CLCA4: variants seen among roughly 807,000 people sequenced by gnomAD.
CLCA4 encodes calcium-activated chloride channel regulator 4.
CLCA4 carries 69 observed loss-of-function variants against 78.9 expected under a neutral mutation model. That is an observed-to-expected ratio of 0.87 (90% confidence interval 0.72 to 1.07). The LOEUF is 1.07. Ranked by LOEUF, CLCA4 falls within the 50% of genes least tolerant of loss-of-function variation. The pLI is 0.00. For synonymous variants in CLCA4, 362 were observed against 375.8 expected (o/e 0.96, Z 0.42); for missense variants, 1,133 against 1,095.8 (o/e 1.03, Z -0.48).
chr1:86,556,253 G>C (rs980574093), intron 1 of CLCA4, among the ~76,000 whole-genome samples: 2 of 152,166 alleles, frequency 1.3e-5, no homozygotes, highest in African/African-American at 4.8e-5. Context: ...AATAGGAGTG[G>C]TGAGAGACAG....
intron 9 of CLCA4, among the ~76,000 whole-genome samples, chr1:86,574,223 G>T (rs1650439154): frequency 6.6e-6 from 1 of 151,880 alleles, no homozygotes; most frequent in Non-Finnish European, 1.5e-5. Flanking sequence ...CTATCTGTGT[G>T]AAAAAATTAT....
Position 86,579,357 on chromosome 1 carries a change from A to T in CLCA4, c.2126A>T (p.Glu709Val). The change falls in exon 13 of 14, where the codon GAA (glutamate) becomes GTA (valine). Residue 709 changes from glutamate to valine, a missense_variant. Glu to Val is a moderately radical substitution (Grantham distance 121, BLOSUM62 -2). Coordinates refer to ENST00000370563, the MANE Select transcript of CLCA4 (RefSeq NM_012128.4). Reference sequence around the variant, plus strand: ...AACCAGGAAATGTTTAATGCAGGGGAAATTGAAGCAAACCCGCCAAGACCT... The same window carrying T: ...AACCAGGAAATGTTTAATGCAGGGGTAATTGAAGCAAACCCGCCAAGACCT... ...AYIPGWVVNG[E>V]IEANPPRPEI... The T allele has an allele frequency of 6.2e-7, 1 of 1,612,306 alleles. No homozygotes were observed. Among genetic ancestry groups the T allele is most frequent in the Non-Finnish European group, 8.5e-7 (1 of 1,178,780 alleles).
intron 9 of CLCA4, among the ~76,000 whole-genome samples, chr1:86,573,487 GT>G (rs939792665): frequency 2.4e-4 from 36 of 151,806 alleles, no homozygotes; most frequent in African/African-American, 8.7e-4. Flanking sequence ...TTTCTGTCTG[GT>G]GTTTTCCAGC....
In CLCA4 at chr1:86,579,549, C is replaced by T. The variant is rs1220664972; in HGVS notation, c.2318C>T (p.Thr773Ile). The T allele has an allele frequency of 1.2e-6, 2 of 1,611,864 alleles. No individual in the cohort carries two copies. Among genetic ancestry groups the T allele is most frequent in the South Asian group, 2.2e-5 (2 of 91,016 alleles). The change falls in exon 13 of 14, where the codon ACA becomes ATA. Residue 773 changes from threonine to isoleucine, a missense_variant. Coordinates refer to ENST00000370563, the MANE Select transcript of CLCA4 (RefSeq NM_012128.4). Reference protein sequence around the residue: ...ATVHEDKIILTWTAPGDNFDV... With the variant: ...ATVHEDKIILIWTAPGDNFDV... ...GTTCATGAGGATAAGATTATTCTTA[C>T]ATGGACAGCACCAGGAGATAATTTT...
chr1:86,567,636 T>G lies in CLCA4; in HGVS notation c.1167T>G (p.Ile389Met). 6.2e-7 allele frequency: 1 copy of G among 1,609,810 alleles called. No individual in the cohort carries two copies. The change falls in exon 7 of 14, where the codon ATT becomes ATG. Residue 389 changes from isoleucine to methionine, a missense_variant. Coordinates refer to ENST00000370563, the MANE Select transcript of CLCA4 (RefSeq NM_012128.4). Reference protein sequence around the residue: ...PLGGTSICSGIKYAFQVIGEL... With the variant: ...PLGGTSICSGMKYAFQVIGEL... Reference sequence around the variant, plus strand: ...GAGGAACTTCCATCTGCTCTGGAATTAAATATGCATTTCAGGTGAAAATCG... The same window carrying G: ...GAGGAACTTCCATCTGCTCTGGAATGAAATATGCATTTCAGGTGAAAATCG...
chr1:86,548,673 C>A (rs918281892), intron 1 of CLCA4, among the ~76,000 whole-genome samples: 3 of 114,760 alleles, frequency 2.6e-5, no homozygotes, highest in African/African-American at 1.1e-4. Context: ...CAGAGCAAGA[C>A]TCCCTCTCTG....
chr1:86,578,667 G>C (rs1037542534), intron 12 of CLCA4, among the ~76,000 whole-genome samples: 6 of 152,012 alleles, frequency 3.9e-5, no homozygotes, highest in Non-Finnish European at 5.9e-5. Flanking sequence ...TATTATGTTA[G>C]TTTGAACATC....
intron 1 of CLCA4, 102 bp downstream of exon 1, chr1:86,547,380 C>T: frequency 1.2e-6 from 1 of 866,208 alleles, no homozygotes; most frequent in Non-Finnish European, 1.7e-6. Context: ...AGTAGTATTT[C>T]TATACATGTA....
At chr1:86,558,766 T>A (rs554929895) in intron 1 of CLCA4, among the ~76,000 whole-genome samples, 1 of 152,240 alleles carries the variant, frequency 6.6e-6, no homozygotes, top group Middle Eastern at 3.4e-3. Context: ...ACCACCCCCA[T>A]GATTCAATTA....
chr1:86,551,000 T>C (rs1301818680), intron 1 of CLCA4, among the ~76,000 whole-genome samples: 3 of 151,590 alleles, frequency 2.0e-5, no homozygotes, highest in Admixed American at 6.6e-5. Flanking sequence ...CCCCGCTAAT[T>C]TTTTGTATTT....
At chr1:86,574,905 T>C (rs1362826102) in intron 10 of CLCA4, 150 bp downstream of exon 10, 1 of 640,992 alleles carries the variant, frequency 1.6e-6, no homozygotes, top group Non-Finnish European at 2.7e-6. Context: ...TCCTTAAAAC[T>C]ATGATGGTAG....
chr1:86,580,408 G>GGGAGAGGAGCCAAGATGGCCGAA lies in CLCA4; in HGVS notation c.*63_*64insGGAGAGGAGCCAAGATGGCCGAA. ...AGAGAGTTTTAAAAAACAAAACAAT[G>GGGAGAGGAGCCAAGATGGCCGAA]TAAGTAAAGGATATTTCTGAATCTT... On this transcript the variant is annotated 3_prime_UTR_variant, in exon 14 of 14. Transcript: ENST00000370563. 2.6e-5 allele frequency: 32 copies of GGGAGAGGAGCCAAGATGGCCGAA among 1,239,348 alleles called. No individual in the cohort carries two copies. Among genetic ancestry groups the GGGAGAGGAGCCAAGATGGCCGAA allele is most frequent in the South Asian group, 3.5e-5 (2 of 57,722 alleles). The allele number at this position is 1,239,348 out of a possible 1,614,324, so 76.8% of individuals were successfully genotyped here.
At chr1:86,551,432 A>G (rs1649659187) in intron 1 of CLCA4, among the ~76,000 whole-genome samples, 1 of 152,316 alleles carries the variant, frequency 6.6e-6, no homozygotes, top group East Asian at 1.9e-4. Flanking sequence ...GAAGTTAGAA[A>G]AAGCATGAGA....
At position 86,565,884 on chromosome 1, in the gene CLCA4, G is replaced by A; in HGVS notation, c.818G>A (p.Trp273Ter). The change falls in exon 6 of 14, where the codon TGG becomes TAG. Residue 273 changes from tryptophan (W) to a stop codon, truncating the protein, a stop_gained. Coordinates refer to ENST00000370563, the MANE Select transcript of CLCA4 (RefSeq NM_012128.4). LOFTEE classifies it high-confidence loss of function. ...QNIKCNFRST[W>*]EVISNSEDFK... is the part of the protein sequence containing the mutation. The stretch of plus-strand genomic sequence containing the variant: ...ATAAAGTGCAATTTTAGAAGTACAT[G>A]GGAGGTGATTAGCAATTCTGAGGAT... 6.2e-7 allele frequency: 1 copy of A among 1,611,924 alleles called. No homozygotes were observed. The highest frequency in any genetic ancestry group is 8.5e-7 in the Non-Finnish European group (1 of 1,178,446).
intron 1 of CLCA4, among the ~76,000 whole-genome samples, chr1:86,551,911 A>AT: frequency 6.6e-6 from 1 of 152,134 alleles, no homozygotes; most frequent in South Asian, 2.1e-4. Context: ...AAAAAAATGT[A>AT]GTAGCTGTGT....
intron 1 of CLCA4, chr1:86,552,674 C>A (rs772557202): frequency 3.1e-4 from 296 of 959,250 alleles, no homozygotes; most frequent in Non-Finnish European, 3.8e-4. Context: ...ATCGGACTTG[C>A]AGATGGAGCT....
chr1:86,563,919 T>C (rs2231586), intron 4 of CLCA4, 150 bp downstream of exon 4: 34,562 of 507,336 alleles, frequency 0.068, 1,371 homozygotes, highest in Middle Eastern at 0.093. Flanking sequence ...CTTTAAGTAG[T>C]TGATTGCTAT....
chr1:86,552,875 G>A, intron 1 of CLCA4: 1 of 716,154 alleles, frequency 1.4e-6, no homozygotes, highest in Non-Finnish European at 2.5e-6. Context: ...ATTTGCGAAA[G>A]CTTCCTCTGT....
intron 9 of CLCA4, 139 bp downstream of exon 9, chr1:86,572,859 A>G (rs2101814356): frequency 1.5e-6 from 1 of 680,866 alleles, no homozygotes; most frequent in Non-Finnish European, 2.7e-6. Context: ...TTAAATAGAA[A>G]TTACCCTTAG....
Sources: gnomAD v4.1 joint callset for allele counts (sites outside exome capture counted in the v4.1 genomes callset) on GRCh38, gnomAD v4.1.1 for gene constraint, MANE v1.5 for transcripts, NCBI Gene and HGNC (gene_info 2026-07-23, HGNC 2026-07-21) for gene names.